The following DZIP1 variants were observed in gnomAD, a reference collection of about 807,000 sequenced individuals.
The protein encoded by DZIP1 is cilium assembly protein DZIP1.
Under a neutral mutation model 107.6 loss-of-function variants are expected in DZIP1, and 97 were observed. That is an observed-to-expected ratio of 0.90 (90% confidence interval 0.77 to 1.07). DZIP1 has a LOEUF of 1.07. Ranked by LOEUF, DZIP1 falls within the 50% of genes least tolerant of loss-of-function variation. The pLI is 0.00. For synonymous variants in DZIP1, 390 were observed against 386.4 expected (o/e 1.01, Z -0.11); for missense variants, 1,035 against 1,063.6 (o/e 0.97, Z 0.37).
chr13:95,619,866 AC>A lies in DZIP1; in HGVS notation c.1173+18del. The stretch of plus-strand genomic sequence containing the variant: ...TTTAAAAAATGGCCCACTTTAGGCC[AC>A]TGGTTTCTTAACCTTACCCGACCCT... On this transcript the variant is annotated intron_variant, in intron 10 of 22. Transcript: ENST00000376829. 6.2e-7 allele frequency: 1 copy of A among 1,612,932 alleles called. No homozygotes were observed. Among genetic ancestry groups the A allele is most frequent in the Non-Finnish European group, 8.5e-7 (1 of 1,179,568 alleles).
chr13:95,606,233 A>T (rs1421858192), intron 13 of DZIP1, among the ~76,000 whole-genome samples, 174 bp from the exon 14 acceptor site: 3 of 152,248 alleles, frequency 2.0e-5, no homozygotes, highest in African/African-American at 7.2e-5. Flanking sequence ...TATTCATAAC[A>T]GCTTTATGGA....
Position 95,641,557 on chromosome 13 carries a change from C to G in DZIP1, c.335G>C (p.Gly112Ala). 2 of 1,613,906 alleles carry G rather than the reference C, an allele frequency of 1.2e-6. No individual in the cohort carries two copies. Among genetic ancestry groups the G allele is most frequent in the Non-Finnish European group, 1.7e-6 (2 of 1,180,044 alleles). ...GAGCTTCAGCAGCACCGGGTCCACC[C>G]CCGACTGGCAGTGTGGGCACTTCTC... ...EDEKCPHCQS[G>A]VDPVLLKLIR... The change falls in exon 5 of 23, where the codon GGG becomes GCG. Residue 112 changes from glycine to alanine, a missense_variant. Gly to Ala is a moderately conservative substitution (Grantham distance 60). Transcript: ENST00000376829. The surrounding 1 kb of genome is among the most constrained non-coding windows in gnomAD (Gnocchi z 4.3).
chr13:95,604,117 G>A (rs186027646), intron 14 of DZIP1, among the ~76,000 whole-genome samples: 41 of 152,266 alleles, frequency 2.7e-4, no homozygotes, highest in South Asian at 2.1e-4. Flanking sequence ...CGTTCCCTTC[G>A]CCCAACCCTG....
At chr13:95,596,160 G>C (rs2044451965) in intron 15 of DZIP1, among the ~76,000 whole-genome samples, 1 of 152,124 alleles carries the variant, frequency 6.6e-6, no homozygotes, top group Non-Finnish European at 1.5e-5. Context: ...GAAAAATAAA[G>C]TTTTTATGTA....
At position 95,582,138 on chromosome 13, in the gene DZIP1, G is replaced by T; in HGVS notation, c.*96C>A. 1 of 1,182,312 alleles carries T rather than the reference G, an allele frequency of 8.5e-7. No individual in the cohort carries two copies. The allele number at this position is 1,182,312 out of a possible 1,614,324, so 73.2% of individuals were successfully genotyped here. On this transcript the variant is annotated 3_prime_UTR_variant, in exon 23 of 23. Transcript: ENST00000376829. ...TCTCTGTGTTGCTGTGGGAAACACG[G>T]TAAGGCAGAAGCACTAGAATCATGG...
At chr13:95,619,574 T>C (rs1250838420) in intron 10 of DZIP1, among the ~76,000 whole-genome samples, 1 of 152,196 alleles carries the variant, frequency 6.6e-6, no homozygotes, top group Non-Finnish European at 1.5e-5. Context: ...GGTTTTCTTT[T>C]TTGTGTGTGG....
intron 11 of DZIP1, 142 bp downstream of exon 11, chr13:95,611,895 C>T: frequency 9.3e-7 from 1 of 1,071,124 alleles, no homozygotes; most frequent in South Asian, 2.0e-5. Context: ...ATTGCACTAA[C>T]TTTTACAAGC....
chr13:95,590,141 G>T, intron 17 of DZIP1, 138 bp downstream of exon 17: 2 of 1,051,654 alleles, frequency 1.9e-6, no homozygotes, highest in South Asian at 1.7e-5. Context: ...CAGTAAAAGA[G>T]TTGCCAGTGA....
intron 6 of DZIP1, among the ~76,000 whole-genome samples, chr13:95,632,064 TAG>T (rs1877261205): frequency 6.6e-6 from 1 of 152,216 alleles, no homozygotes; most frequent in South Asian, 2.1e-4. Context: ...CCAGCTTTGC[TAG>T]AGACTATTCC....
chr13:95,581,501 T>C lies in DZIP1; in HGVS notation c.*733A>G, dbSNP rs1313693177. ...AACCAACCATTTAATAGTAACATGC[T>C]TACAGTGGCTCAAAGCTGAATGTGA... is the stretch of plus-strand genomic sequence containing the variant. On this transcript the variant is annotated 3_prime_UTR_variant, in exon 23 of 23. Transcript: ENST00000376829. 6.6e-6 allele frequency: 1 copy of C among 152,222 alleles called. No homozygotes were observed. The highest frequency in any genetic ancestry group is 1.5e-5 in the Non-Finnish European group (1 of 68,040). 9.4% of individuals were successfully genotyped at this position (152,222 alleles called of 1,614,324 possible).
At chr13:95,601,205 G>A (rs765597909) in intron 14 of DZIP1, among the ~76,000 whole-genome samples, 8 of 152,098 alleles carry the variant, frequency 5.3e-5, no homozygotes, top group Non-Finnish European at 1.0e-4. Flanking sequence ...ACTCCTGAAC[G>A]TGGCTCCCAT....
intron 9 of DZIP1, among the ~76,000 whole-genome samples, chr13:95,621,386 A>C (rs190365363): frequency 6.6e-6 from 1 of 152,234 alleles, no homozygotes; most frequent in Non-Finnish European, 1.5e-5. Flanking sequence ...GACTTCAGAC[A>C]GGACAGGGAC....
At chr13:95,609,741 T>C (rs2139091859) in intron 12 of DZIP1, among the ~76,000 whole-genome samples, 1 of 152,276 alleles carries the variant, frequency 6.6e-6, no homozygotes, top group South Asian at 2.1e-4. Context: ...ATTTTGCAAA[T>C]ATTCCTCCCT....
chr13:95,619,165 C>T (rs1304359166), intron 10 of DZIP1, among the ~76,000 whole-genome samples: 1 of 152,180 alleles, frequency 6.6e-6, no homozygotes, highest in African/African-American at 2.4e-5. Context: ...TCATGAAAGT[C>T]ATTAAAAGTC....
intron 13 of DZIP1, 140 bp from the exon 14 acceptor site, chr13:95,606,199 T>C: frequency 1.5e-6 from 1 of 668,262 alleles, no homozygotes; most frequent in Non-Finnish European, 2.6e-6. Context: ...GTGACAAAGA[T>C]ATTACACAAC....
At chr13:95,594,665 A>T (rs1041718409) in intron 15 of DZIP1, among the ~76,000 whole-genome samples, 4 of 152,106 alleles carry the variant, frequency 2.6e-5, no homozygotes, top group Non-Finnish European at 4.4e-5. Context: ...TTTTTTTTCA[A>T]AGTTTTTTAG....
intron 14 of DZIP1, among the ~76,000 whole-genome samples, chr13:95,601,583 G>A (rs959643945): frequency 6.6e-6 from 1 of 152,164 alleles, no homozygotes; most frequent in Non-Finnish European, 1.5e-5. Flanking sequence ...TCAGTGGCTT[G>A]TACCTTTCTG....
At chr13:95,622,550 G>GC in intron 8 of DZIP1, 70 bp from the exon 9 acceptor site, 1 of 1,576,118 alleles carries the variant, frequency 6.3e-7, no homozygotes, top group Non-Finnish European at 8.7e-7. Context: ...AATAAAATCA[G>GC]GGAGCACATA....
Position 95,630,109 on chromosome 13 carries a change from A to G in DZIP1, c.690T>C (p.Tyr230=). ...GCTTCTCAATCTGTGCATTTTTCTG[A>G]TACTCTGTTGCAACAGAAAATCGTG... The part of the protein sequence containing the change: ...RHTEENSHFE[Y]QKNAQIEKLR... Residue 230 remains tyrosine (Y), a synonymous_variant, in exon 7 of 23, where the codon TAT becomes TAC. Coordinates refer to ENST00000376829, the MANE Select transcript of DZIP1 (RefSeq NM_198968.4). The G allele has an allele frequency of 6.2e-7, 1 of 1,607,038 alleles. No individual in the cohort carries two copies.
Sources: allele counts gnomAD v4.1 joint callset (sites outside exome capture counted in the v4.1 genomes callset), GRCh38; gene constraint gnomAD v4.1.1; non-coding constraint Gnocchi (gnomAD v3.1); transcripts MANE v1.5; gene names NCBI Gene and HGNC (gene_info 2026-07-23, HGNC 2026-07-21).